The following TRAK1 variants were observed in gnomAD, a reference collection of about 807,000 sequenced individuals.
TRAK1 encodes trafficking kinesin protein 1.
In TRAK1, 33 loss-of-function variants were observed where a neutral mutation model predicts 92.1. The ratio of observed to expected loss-of-function variants is 0.36; its 90% confidence interval spans 0.27 to 0.48. The LOEUF is 0.48. Among genes scored for constraint, TRAK1 ranks in the 20% least tolerant of loss-of-function variants. TRAK1 has a pLI of 0.99. For synonymous variants in TRAK1, 521 were observed against 517.3 expected (o/e 1.01, Z -0.10); for missense variants, 1,123 against 1,257.9 (o/e 0.89, Z 1.62).
intron 2 of TRAK1, among the ~76,000 whole-genome samples, chr3:42,125,882 G>A (rs1576487671): frequency 6.6e-6 from 1 of 152,152 alleles, no homozygotes; most frequent in South Asian, 2.1e-4. Flanking sequence ...ATGGAGTCTA[G>A]CTCTCTTGCC....
intron 4 of TRAK1, 39 bp downstream of exon 4, chr3:42,184,840 C>T (rs1269209508): frequency 6.3e-7 from 1 of 1,588,120 alleles, no homozygotes; most frequent in South Asian, 1.1e-5. Context: ...AGGGGCCCGC[C>T]ACAGGCCTGG....
intron 1 of TRAK1, among the ~76,000 whole-genome samples, chr3:42,021,812 A>C (rs560845695): frequency 2.6e-5 from 4 of 152,212 alleles, no homozygotes; most frequent in Admixed American, 6.5e-5. Flanking sequence ...CTGGTCAGTT[A>C]TCCACCTGCC....
chr3:42,107,231 T>C (rs1707685909), intron 1 of TRAK1, among the ~76,000 whole-genome samples: 1 of 152,146 alleles, frequency 6.6e-6, no homozygotes, highest in Non-Finnish European at 1.5e-5. Context: ...AATCAATTAT[T>C]TGGGCTGGGC....
At chr3:42,042,176 C>T (rs973915734) in intron 1 of TRAK1, among the ~76,000 whole-genome samples, 4 of 152,274 alleles carry the variant, frequency 2.6e-5, no homozygotes, top group Middle Eastern at 3.4e-3. Context: ...ATCCTCCCAC[C>T]TTGACCTCCC....
intron 2 of TRAK1, among the ~76,000 whole-genome samples, chr3:42,172,333 A>G (rs1001606362): frequency 6.6e-5 from 10 of 152,144 alleles, no homozygotes; most frequent in African/African-American, 2.4e-4. Context: ...TTGAAAGGGG[A>G]CATCACTCTT....
In TRAK1 at chr3:42,223,014, C is replaced by T. The variant is rs777847635; in HGVS notation, c.2139C>T (p.Cys713=). Residue 713 remains cysteine (C), a synonymous_variant, in exon 16 of 16, where the codon TGC becomes TGT. Coordinates refer to ENST00000327628, the MANE Select transcript of TRAK1 (RefSeq NM_001042646.3). The surrounding 1 kb of genome is among the most constrained non-coding windows in gnomAD (Gnocchi z 6.1). ...HLKSTPVATP[C]TPRRLSLAES... ...AATCCACGCCGGTGGCCACACCATG[C>T]ACTCCACGGAGACTGAGCCTGGCTG... The T allele has an allele frequency of 2.5e-6, 4 of 1,614,138 alleles. No individual in the cohort carries two copies. In the East Asian group the frequency reaches 6.7e-5, roughly 27 times the overall value.
intron 2 of TRAK1, among the ~76,000 whole-genome samples, chr3:42,139,509 A>G (rs948265874): frequency 6.6e-6 from 1 of 152,138 alleles, no homozygotes; most frequent in Non-Finnish European, 1.5e-5. Flanking sequence ...GCCTCATACC[A>G]GGGTGCACGA....
At chr3:42,151,393 C>A (rs1269303484) in intron 2 of TRAK1, 3 of 456,304 alleles carry the variant, frequency 6.6e-6, no homozygotes, top group Non-Finnish European at 1.3e-5. Context: ...CCTCTAAGAG[C>A]AAAGGAAAAT....
chr3:42,068,542 ATTT>A (rs1302310721), intron 1 of TRAK1, among the ~76,000 whole-genome samples: 1 of 152,178 alleles, frequency 6.6e-6, no homozygotes, highest in Non-Finnish European at 1.5e-5. Flanking sequence ...CATTAAGTTC[ATTT>A]TGCACTCTTT....
Position 42,188,113 on chromosome 3 carries a change from G to C in TRAK1, c.549G>C (p.Glu183Asp). Residue 183 changes from glutamate to aspartate, a missense_variant, in exon 5 of 16, where the codon GAG (glutamate) becomes GAC (aspartate). By Grantham distance (45) the Glu-to-Asp change is conservative (BLOSUM62 2). Coordinates refer to ENST00000327628, the MANE Select transcript of TRAK1 (RefSeq NM_001042646.3). ...TTCAGTTCTACACCAGCGCTGCGGAGGAGAGTGAGCCCGAGTCCGTTTGCT... is the reference window on the plus strand; with the variant it reads ...TTCAGTTCTACACCAGCGCTGCGGACGAGAGTGAGCCCGAGTCCGTTTGCT... ...ELLQFYTSAA[E>D]ESEPESVCST... 6.2e-7 allele frequency: 1 copy of C among 1,614,156 alleles called. No individual in the cohort carries two copies. Among genetic ancestry groups the C allele is most frequent in the African/African-American group, 1.3e-5 (1 of 75,040 alleles).
chr3:42,109,069 C>G (rs867395740), intron 1 of TRAK1, among the ~76,000 whole-genome samples: 5 of 152,088 alleles, frequency 3.3e-5, no homozygotes, highest in East Asian at 1.9e-4. Context: ...GTTAGAAAAC[C>G]GGTTCACTAT....
At chr3:42,060,734 T>A (rs1703400024) in intron 1 of TRAK1, among the ~76,000 whole-genome samples, 1 of 151,582 alleles carries the variant, frequency 6.6e-6, no homozygotes, top group Admixed American at 6.6e-5. Flanking sequence ...TTCAAGTCAT[T>A]CTCCTGCCTC....
chr3:42,119,297 A>G (rs537678192), intron 1 of TRAK1, among the ~76,000 whole-genome samples: 3 of 152,290 alleles, frequency 2.0e-5, no homozygotes, highest in South Asian at 4.1e-4. Context: ...ATATTTTAAG[A>G]TGGAGTTTGC....
rs1041706426 is a variant in TRAK1 at position 42,057,947 on chromosome 3, T to G, written c.-518-29157T>G. 2.0e-5 allele frequency among the ~76,000 whole-genome samples: 3 copies of G among 152,258 alleles called. No homozygotes were observed. In the South Asian group the frequency reaches 6.2e-4, roughly 31 times the overall value. ...TTTTCATTTTAAATGCCTGTAAACC[T>G]GAACATGTCATTCAGTGAGCTTCCT... is the stretch of plus-strand genomic sequence containing the variant. On this transcript the variant is annotated intron_variant, in intron 1 of 16. Transcript: ENST00000487159.
chr3:42,167,324 C>T (rs892124146), intron 2 of TRAK1, among the ~76,000 whole-genome samples: 13 of 152,204 alleles, frequency 8.5e-5, no homozygotes, highest in African/African-American at 1.9e-4. Flanking sequence ...GAGAAAGACT[C>T]AGCTGCCTTC....
chr3:42,149,814 A>G (rs1010344140), intron 2 of TRAK1, among the ~76,000 whole-genome samples: 32 of 152,032 alleles, frequency 2.1e-4, no homozygotes, highest in African/African-American at 7.7e-4. Context: ...AGTATGTATG[A>G]TTGTTTGCTT....
At chr3:42,154,228 A>G (rs1048734561) in intron 2 of TRAK1, among the ~76,000 whole-genome samples, 7 of 152,112 alleles carry the variant, frequency 4.6e-5, no homozygotes, top group African/African-American at 1.7e-4. Context: ...GCTGGAGTGC[A>G]GTGGCACGAT....
intron 1 of TRAK1, among the ~76,000 whole-genome samples, chr3:42,022,460 G>A (rs140106870): frequency 1.3e-5 from 2 of 152,268 alleles, no homozygotes; most frequent in East Asian, 1.9e-4. Context: ...AGCAGCTCAC[G>A]CCTGTAATGC....
intron 1 of TRAK1, among the ~76,000 whole-genome samples, chr3:42,046,498 G>A (rs116379572): frequency 2.2e-3 from 341 of 152,216 alleles, no homozygotes; most frequent in African/African-American, 7.9e-3. Context: ...TGGCCATCTC[G>A]CCTGGCTGCC....
Sources: gnomAD v4.1 joint callset for allele counts (sites outside exome capture counted in the v4.1 genomes callset) on GRCh38, gnomAD v4.1.1 for gene constraint, Gnocchi (gnomAD v3.1) non-coding constraint, MANE v1.5 for transcripts, NCBI Gene and HGNC (gene_info 2026-07-23, HGNC 2026-07-21) for gene names.